The following ANO3 variants were observed in gnomAD, a reference collection of about 807,000 sequenced individuals.
ANO3 encodes the protein anoctamin-3.
In ANO3, 99 loss-of-function variants were observed where a neutral mutation model predicts 144.8. That is an observed-to-expected ratio of 0.68 (90% confidence interval 0.58 to 0.81). The LOEUF (loss-of-function observed/expected upper bound fraction) is 0.81. Among genes scored for constraint, ANO3 ranks in the 30% least tolerant of loss-of-function variants. The pLI is 0.00. For synonymous variants in ANO3, 414 were observed against 392.6 expected, an observed-to-expected ratio of 1.05 and a Z score of -0.64; for missense variants, 905 against 1,202.2, an observed-to-expected ratio of 0.75 and a Z score of 3.66.
chr11:26,552,761 A>G (rs1849967828), intron 12 of ANO3, among the ~76,000 whole-genome samples: 1 of 152,058 alleles, frequency 6.6e-6, no homozygotes, highest in Non-Finnish European at 1.5e-5. Context: ...ACAAGCAAAC[A>G]TAAAAAAGCA....
chr11:26,234,663 C>T (rs1852475789), intron 1 of ANO3, among the ~76,000 whole-genome samples: 1 of 152,142 alleles, frequency 6.6e-6, no homozygotes, highest in South Asian at 2.1e-4. Context: ...ATGACCTATA[C>T]TCACCATATC....
At chr11:26,226,358 T>G (rs969987168) in intron 1 of ANO3, among the ~76,000 whole-genome samples, 4 of 152,116 alleles carry the variant, frequency 2.6e-5, no homozygotes, top group Admixed American at 2.6e-4. Context: ...TTTAAAAAAT[T>G]TTCCCTAGTT....
At chr11:26,346,551 A>G (rs1487556290) in intron 1 of ANO3, among the ~76,000 whole-genome samples, 2 of 152,116 alleles carry the variant, frequency 1.3e-5, no homozygotes, top group African/African-American at 2.4e-5. Flanking sequence ...TGGACTTAAT[A>G]TTTATGTTAT....
intron 14 of ANO3, among the ~76,000 whole-genome samples, chr11:26,569,801 G>A (rs1008327652): frequency 6.6e-6 from 1 of 152,024 alleles, no homozygotes; most frequent in African/African-American, 2.4e-5. Flanking sequence ...ATTATGGATG[G>A]TATCCCTGAG....
chr11:26,300,239 C>T (rs1854194565), intron 1 of ANO3, among the ~76,000 whole-genome samples: 1 of 151,866 alleles, frequency 6.6e-6, no homozygotes, highest in Non-Finnish European at 1.5e-5. Flanking sequence ...CAGACACACG[C>T]ATACACAGAG....
At chr11:26,494,489 A>G (rs964639454) in intron 4 of ANO3, among the ~76,000 whole-genome samples, 5 of 152,186 alleles carry the variant, frequency 3.3e-5, no homozygotes, top group African/African-American at 7.2e-5. Context: ...CACCTCAGGT[A>G]TTTCAACTAC....
chr11:26,263,117 C>T (rs11029454), intron 1 of ANO3, among the ~76,000 whole-genome samples: 3,041 of 152,248 alleles, frequency 0.02, 60 homozygotes, highest in East Asian at 0.12. Context: ...CTCGTTTCCT[C>T]CATTATTACT....
chr11:26,617,656 A>G lies in ANO3; in HGVS notation c.1837-6806A>G, dbSNP rs374134142. On this transcript the variant is annotated intron_variant, in intron 17 of 26. Coordinates refer to ENST00000256737, the MANE Select transcript of ANO3 (RefSeq NM_031418.4). ...AAGATTCAGGGATTTTTGGAAGTGGAGTAGACCATAAATACTTCTCCTTTG... is the reference window on the plus strand; with the variant it reads ...AAGATTCAGGGATTTTTGGAAGTGGGGTAGACCATAAATACTTCTCCTTTG... 4.6e-4 allele frequency among the ~76,000 whole-genome samples: 70 copies of G among 152,320 alleles called. No homozygotes were observed. The East Asian group carries it at 0.013, about 27-fold the overall frequency.
chr11:26,203,026 T>A (rs1313736655), intron 1 of ANO3, among the ~76,000 whole-genome samples: 2 of 152,062 alleles, frequency 1.3e-5, no homozygotes, highest in Non-Finnish European at 2.9e-5. Flanking sequence ...TTGAGCCAAT[T>A]TGTAATAGGA....
intron 1 of ANO3, among the ~76,000 whole-genome samples, chr11:26,238,367 A>G (rs973819857): frequency 1.4e-4 from 22 of 152,158 alleles, no homozygotes; most frequent in African/African-American, 4.8e-4. Context: ...ATTTTGAAAT[A>G]TGTTCAAAAT....
At chr11:26,560,072 A>G (rs1277841667) in intron 14 of ANO3, 3 of 286,942 alleles carry the variant, frequency 1.0e-5, no homozygotes, top group Non-Finnish European at 1.9e-5. Flanking sequence ...ACATACTAGA[A>G]TCCAAATTAA....
chr11:26,597,268 G>C (rs1026320421), intron 14 of ANO3, among the ~76,000 whole-genome samples: 10 of 152,094 alleles, frequency 6.6e-5, no homozygotes, highest in Non-Finnish European at 1.5e-4. Flanking sequence ...TGGGGTTCTT[G>C]GCCTCACGGA....
intron 21 of ANO3, among the ~76,000 whole-genome samples, chr11:26,640,401 A>C (rs1853110642): frequency 6.6e-6 from 1 of 152,196 alleles, no homozygotes; most frequent in Non-Finnish European, 1.5e-5. Context: ...GAGAGAATAG[A>C]AGATGGAGGA....
intron 1 of ANO3, among the ~76,000 whole-genome samples, chr11:26,368,345 A>C (rs34248864): frequency 0.12 from 17,508 of 152,234 alleles, 1,230 homozygotes; most frequent in Admixed American, 0.19. Context: ...TAGTAATTAT[A>C]AGCCAAATCT....
chr11:26,599,010 G>T lies in ANO3; in HGVS notation c.1671+12G>T, dbSNP rs1316604049. ...GAATATTCTTCATGGTAAAGTATAG[G>T]CATCGATATCAAAATGTTTTGGGAT... On this transcript the variant is annotated intron_variant, in intron 16 of 26. Coordinates refer to ENST00000256737, the MANE Select transcript of ANO3 (RefSeq NM_031418.4). 3.7e-6 allele frequency: 6 copies of T among 1,610,428 alleles called. No individual in the cohort carries two copies. The highest frequency in any genetic ancestry group is 5.1e-6 in the Non-Finnish European group (6 of 1,179,090).
At chr11:26,641,313 G>T (rs1254409863) in intron 21 of ANO3, among the ~76,000 whole-genome samples, 2 of 152,158 alleles carry the variant, frequency 1.3e-5, no homozygotes, top group Non-Finnish European at 2.9e-5. Context: ...TCAGAGAGGT[G>T]AAGTGACTTG....
At chr11:26,453,693 T>C (rs1227122901) in intron 3 of ANO3, among the ~76,000 whole-genome samples, 1 of 152,178 alleles carries the variant, frequency 6.6e-6, no homozygotes, top group Middle Eastern at 3.4e-3. Context: ...TTAACAAGGA[T>C]ACCCACAAAT....
chr11:26,474,975 T>A (rs1235491783), intron 4 of ANO3, among the ~76,000 whole-genome samples: 3 of 151,944 alleles, frequency 2.0e-5, no homozygotes, highest in Non-Finnish European at 4.4e-5. Flanking sequence ...GTTTATTGTA[T>A]TGAAAAACCA....
chr11:26,604,888 C>G (rs1430814093), intron 17 of ANO3, among the ~76,000 whole-genome samples: 1 of 152,174 alleles, frequency 6.6e-6, no homozygotes, highest in Non-Finnish European at 1.5e-5. Flanking sequence ...TCCTCTCTTT[C>G]TATTCGAATA....
Sources: allele counts gnomAD v4.1 joint callset (sites outside exome capture counted in the v4.1 genomes callset), GRCh38; gene constraint gnomAD v4.1.1; transcripts MANE v1.5; gene names NCBI Gene and HGNC (gene_info 2026-07-23, HGNC 2026-07-21).